TDRD3: variants seen among roughly 807,000 people sequenced by gnomAD.
The protein encoded by TDRD3 is tudor domain-containing protein 3.
Under a neutral mutation model 86.7 loss-of-function variants are expected in TDRD3, and 45 were observed. That is an observed-to-expected ratio of 0.52 (90% CI 0.41 to 0.67). The LOEUF (loss-of-function observed/expected upper bound fraction) is 0.67. TDRD3 is among the 30% of genes least tolerant of loss of function. The pLI, the probability that TDRD3 is intolerant of heterozygous loss-of-function variation, is 0.00. For missense variants in TDRD3, 814 were observed against 889.0 expected (o/e 0.92, Z 1.07); for synonymous variants, 298 against 301.7 (o/e 0.99, Z 0.13).
chr13:60,528,721 G>C lies in TDRD3; in HGVS notation c.1496G>C (p.Arg499Thr). The change falls in exon 11 of 14, where the codon AGA (arginine) becomes ACA (threonine). Residue 499 changes from arginine (R) to threonine (T), a missense_variant. Transcript: ENST00000377881. Reference protein sequence around the residue: ...SQHSDGAFKKRDNSMQSRSGK... With the variant: ...SQHSDGAFKKTDNSMQSRSGK... The stretch of plus-strand genomic sequence containing the variant: ...CATAGTGATGGTGCTTTTAAAAAAA[G>C]AGATAACTCTATGCAAAGCAGATCA... The C allele has an allele frequency of 6.2e-7, 1 of 1,611,732 alleles. No individual in the cohort carries two copies. The highest frequency in any genetic ancestry group is 8.5e-7 in the Non-Finnish European group (1 of 1,179,386).
At chr13:60,411,361 T>C (rs1432030602) in intron 1 of TDRD3, among the ~76,000 whole-genome samples, 3 of 152,354 alleles carry the variant, frequency 2.0e-5, no homozygotes, top group South Asian at 2.1e-4. Context: ...AATTATGGTG[T>C]GCCTACTGAA....
intron 8 of TDRD3, among the ~76,000 whole-genome samples, chr13:60,495,763 C>T (rs1388764660): frequency 2.0e-5 from 3 of 152,056 alleles, no homozygotes; most frequent in East Asian, 1.9e-4. Flanking sequence ...CCACCATGCC[C>T]GGTGGGATAA....
chr13:60,421,888 T>A (rs557704207), intron 1 of TDRD3, among the ~76,000 whole-genome samples: 17 of 152,172 alleles, frequency 1.1e-4, no homozygotes, highest in African/African-American at 4.1e-4. Flanking sequence ...ACCAGAAAGA[T>A]CAAATCCACC....
chr13:60,510,547 AATT>A (rs1474546602), intron 9 of TDRD3, 80 bp from the exon 10 acceptor site: 5 of 1,255,696 alleles, frequency 4.0e-6, no homozygotes, highest in Non-Finnish European at 5.1e-6. Context: ...CCTTATTTAA[AATT>A]ATTGTTGGTT....
At chr13:60,486,214 T>G (rs1956431792) in intron 7 of TDRD3, among the ~76,000 whole-genome samples, 1 of 152,152 alleles carries the variant, frequency 6.6e-6, no homozygotes, top group African/African-American at 2.4e-5. Context: ...TTCCTTTTTT[T>G]TATACAATGT....
At chr13:60,552,340 T>C (rs1958079574) in intron 12 of TDRD3, among the ~76,000 whole-genome samples, 1 of 152,224 alleles carries the variant, frequency 6.6e-6, no homozygotes, top group African/African-American at 2.4e-5. Context: ...ACTCATGAAA[T>C]TTTACAGCTC....
chr13:60,434,074 G>A (rs763279034), intron 1 of TDRD3: 29 of 152,156 alleles, frequency 1.9e-4, no homozygotes, highest in Non-Finnish European at 2.9e-4. Flanking sequence ...TTCTGAACAC[G>A]ACGTGAAGAC....
In TDRD3 at chr13:60,401,743, C is replaced by A. The variant is rs189029281; in HGVS notation, c.41+4338C>A. Among the ~76,000 whole-genome samples, 5 of 152,284 alleles carry A rather than the reference C, an allele frequency of 3.3e-5. No homozygotes were observed. The East Asian group carries it at 9.6e-4, about 29-fold the overall frequency. The stretch of plus-strand genomic sequence containing the variant: ...GGATAAACAAAGGTCTCCTTCTTAC[C>A]TCTTGAATTTCACTTTCCCCTTTGG... On this transcript the variant is annotated intron_variant, in intron 1 of 13. Coordinates refer to ENST00000377881, the MANE Select transcript of TDRD3 (RefSeq NM_001146070.2).
chr13:60,429,699 C>T (rs780281472), intron 1 of TDRD3, among the ~76,000 whole-genome samples: 17 of 152,054 alleles, frequency 1.1e-4, no homozygotes, highest in Non-Finnish European at 2.1e-4. Flanking sequence ...CAGTGAACTC[C>T]ATGTGAGTAG....
chr13:60,469,629 T>C (rs1956032455), intron 5 of TDRD3, among the ~76,000 whole-genome samples: 1 of 152,218 alleles, frequency 6.6e-6, no homozygotes, highest in Admixed American at 6.5e-5. Flanking sequence ...TTATAGTTTT[T>C]GATTTGGTAG....
At chr13:60,523,672 G>C (rs902689515) in intron 10 of TDRD3, among the ~76,000 whole-genome samples, 5 of 149,800 alleles carry the variant, frequency 3.3e-5, no homozygotes, top group African/African-American at 1.2e-4. Context: ...CACCTCCCAG[G>C]TTCAAGCAAT....
At chr13:60,569,794 A>T (rs1958541582) in intron 13 of TDRD3, among the ~76,000 whole-genome samples, 1 of 152,164 alleles carries the variant, frequency 6.6e-6, no homozygotes, top group Non-Finnish European at 1.5e-5. Context: ...CATTCTTGAC[A>T]TAGGTGCCAA....
chr13:60,493,341 T>G (rs796840592), intron 7 of TDRD3, among the ~76,000 whole-genome samples: 14 of 152,174 alleles, frequency 9.2e-5, no homozygotes, highest in African/African-American at 3.1e-4. Context: ...TTGTTTTAGC[T>G]TCTTCTTTTA....
At chr13:60,490,686 G>T (rs1177973144) in intron 7 of TDRD3, among the ~76,000 whole-genome samples, 1 of 152,024 alleles carries the variant, frequency 6.6e-6, no homozygotes, top group Admixed American at 6.6e-5. Context: ...AGTAATCTAG[G>T]ATTTAAAAAA....
intron 7 of TDRD3, among the ~76,000 whole-genome samples, chr13:60,490,438 A>G (rs2137539048): frequency 6.6e-6 from 1 of 152,276 alleles, no homozygotes; most frequent in Admixed American, 6.5e-5. Flanking sequence ...GAGAGAACAG[A>G]GGGACAAGTA....
At chr13:60,572,781 C>A (rs1170326689) in intron 13 of TDRD3, among the ~76,000 whole-genome samples, 1 of 151,758 alleles carries the variant, frequency 6.6e-6, no homozygotes, top group Non-Finnish European at 1.5e-5. Flanking sequence ...TTTTTAACAC[C>A]ATTTTTAACT....
chr13:60,404,824 A>ATTCT (rs1400662073), intron 1 of TDRD3, among the ~76,000 whole-genome samples: 2 of 152,186 alleles, frequency 1.3e-5, no homozygotes, highest in African/African-American at 4.8e-5. Flanking sequence ...CCCAGATCTC[A>ATTCT]TCTTGTAGCT....
chr13:60,553,607 T>G (rs1373065894), intron 12 of TDRD3, among the ~76,000 whole-genome samples: 2 of 148,244 alleles, frequency 1.3e-5, no homozygotes, highest in Non-Finnish European at 3.0e-5. Context: ...GCTCGAGAGG[T>G]CTCTGGAAAC....
chr13:60,549,724 G>GT (rs1231131452), intron 12 of TDRD3, among the ~76,000 whole-genome samples: 4 of 151,980 alleles, frequency 2.6e-5, no homozygotes, highest in Admixed American at 1.3e-4. Flanking sequence ...TTAAACTTTT[G>GT]TTTAATCTCA....
Sources: gnomAD v4.1 joint callset for allele counts (sites outside exome capture counted in the v4.1 genomes callset) on GRCh38, gnomAD v4.1.1 for gene constraint, MANE v1.5 for transcripts, NCBI Gene and HGNC (gene_info 2026-07-23, HGNC 2026-07-21) for gene names.